BCAS3: variants seen among roughly 807,000 people sequenced by gnomAD.
The protein encoded by BCAS3 is BCAS3 microtubule associated cell migration factor, also known as BCAS4/BCAS3 fusion.
A neutral mutation model predicts 116.1 loss-of-function variants in BCAS3; 53 were observed. The ratio of observed to expected loss-of-function variants is 0.46; its 90% confidence interval spans 0.37 to 0.57. The LOEUF is 0.57. Among genes scored for constraint, BCAS3 ranks in the 20% least tolerant of loss-of-function variants. BCAS3 has a pLI of 0.00. For missense variants in BCAS3, 917 were observed against 1,165.4 expected, an observed-to-expected ratio of 0.79 and a Z score of 3.10; for synonymous variants, 391 against 408.2, an observed-to-expected ratio of 0.96 and a Z score of 0.51.
At chr17:61,216,960 G>A (rs1443231555) in intron 22 of BCAS3, among the ~76,000 whole-genome samples, 1 of 152,010 alleles carries the variant, frequency 6.6e-6, no homozygotes, top group African/African-American at 2.4e-5. Flanking sequence ...CTGCAAAGTT[G>A]TTTGCCTACC....
intron 5 of BCAS3, among the ~76,000 whole-genome samples, chr17:60,720,998 T>C (rs887550234): frequency 3.3e-5 from 5 of 152,202 alleles, no homozygotes; most frequent in Non-Finnish European, 1.5e-5. Flanking sequence ...AAGGAAATTT[T>C]TGCCCTAAAG....
rs566686537 is a variant in BCAS3, at chr17:60,828,342, T to G, written c.476+20266T>G. 9.8e-5 allele frequency among the ~76,000 whole-genome samples: 15 copies of G among 152,336 alleles called. No individual in the cohort carries two copies. The South Asian group carries it at 2.9e-3, about 29-fold the overall frequency. ...AAAGTTGAAGTAGATAATTAGGCAA[T>G]TCATTATGGAGAACCATGACAGTTT... On this transcript the variant is annotated intron_variant, in intron 7 of 23. Transcript: ENST00000407086.
chr17:61,346,645 G>C lies in BCAS3; in HGVS notation c.2426-21682G>C, dbSNP rs2057519884. ...AGGGCTATGTAACTATTAAATGACAGAACAAGGGCCTTGAAGCCTGAGCCT... is the reference window on the plus strand; with the variant it reads ...AGGGCTATGTAACTATTAAATGACACAACAAGGGCCTTGAAGCCTGAGCCT... On this transcript the variant is annotated intron_variant, in intron 22 of 23. Transcript: ENST00000407086. The surrounding 1 kb of genome is among the most constrained non-coding windows in gnomAD (Gnocchi z 5.4). Among the ~76,000 whole-genome samples, 1 of 152,230 alleles carries C rather than the reference G, an allele frequency of 6.6e-6. No homozygotes were observed. The highest frequency in any genetic ancestry group is 1.5e-5 in the Non-Finnish European group (1 of 68,038).
intron 7 of BCAS3, among the ~76,000 whole-genome samples, chr17:60,841,665 C>T (rs1047235438): frequency 6.6e-6 from 1 of 151,678 alleles, no homozygotes. Context: ...CAGGCATGAG[C>T]CATTGCGCAT....
intron 15 of BCAS3, among the ~76,000 whole-genome samples, chr17:60,991,162 G>A (rs1012108045): frequency 6.6e-6 from 1 of 152,070 alleles, no homozygotes; most frequent in Admixed American, 6.5e-5. Flanking sequence ...CTAAGCAAGT[G>A]TCCTTAAACA....
At chr17:61,237,230 C>T (rs757755224) in intron 22 of BCAS3, among the ~76,000 whole-genome samples, 1 of 152,112 alleles carries the variant, frequency 6.6e-6, no homozygotes, top group Non-Finnish European at 1.5e-5. Flanking sequence ...TACCAATCAG[C>T]ACTCTGTAGC....
At chr17:60,983,137 G>C (rs911166836) in intron 14 of BCAS3, among the ~76,000 whole-genome samples, 2 of 152,164 alleles carry the variant, frequency 1.3e-5, no homozygotes, top group Non-Finnish European at 2.9e-5. Context: ...TGCCTAATCT[G>C]TACATGGTAA....
chr17:60,764,745 T>C (rs2043912123), intron 6 of BCAS3, among the ~76,000 whole-genome samples: 1 of 152,202 alleles, frequency 6.6e-6, no homozygotes, highest in Non-Finnish European at 1.5e-5. Context: ...AAGTCCTGCA[T>C]ATCCTTATTA....
chr17:61,171,088 A>G lies in BCAS3; in HGVS notation c.2425+86524A>G, dbSNP rs1416518632. ...GGCAAAATTTCCTCTAAATTCCTGT[A>G]GCCTTCCTTGCTTAAAAAAAAGCAA... On this transcript the variant is annotated intron_variant, in intron 22 of 23. Transcript: ENST00000407086. This position sits in a 1 kb window ranked among gnomAD's most constrained non-coding sequence, Gnocchi z 4.1. 6.6e-6 allele frequency among the ~76,000 whole-genome samples: 1 copy of G among 152,168 alleles called. No individual in the cohort carries two copies.
chr17:60,851,580 G>A (rs2053170984), intron 7 of BCAS3: 1 of 628,410 alleles, frequency 1.6e-6, no homozygotes, highest in African/African-American at 1.8e-5. Flanking sequence ...CAAAACTTGG[G>A]TTAAAGCTTG....
chr17:60,774,036 A>C (rs989605849), intron 6 of BCAS3, among the ~76,000 whole-genome samples: 1 of 151,944 alleles, frequency 6.6e-6, no homozygotes, highest in Non-Finnish European at 1.5e-5. Context: ...TTGTCTTCTT[A>C]TTTTCTTTAC....
Position 61,339,320 on chromosome 17 carries a change from G to A in BCAS3, c.2426-29007G>A, listed in dbSNP as rs919575355. On this transcript the variant is annotated intron_variant, in intron 22 of 23. Coordinates refer to ENST00000407086, the MANE Select transcript of BCAS3 (RefSeq NM_017679.5). This position sits in a 1 kb window ranked among gnomAD's most constrained non-coding sequence, Gnocchi z 4.4. ...TGAAGAAAGGGTTTTGGTTTGGTGA[G>A]TGCACTGGCTCCCTTGGATCCAGGG... Among the ~76,000 whole-genome samples the A allele has an allele frequency of 6.6e-6, 1 of 152,204 alleles. No homozygotes were observed. Among genetic ancestry groups the A allele is most frequent in the Non-Finnish European group, 1.5e-5 (1 of 68,044 alleles).
intron 5 of BCAS3, among the ~76,000 whole-genome samples, chr17:60,734,382 A>G (rs1043940126): frequency 6.6e-6 from 1 of 152,148 alleles, no homozygotes; most frequent in Non-Finnish European, 1.5e-5. Context: ...CTCCCACTTC[A>G]GCCTCCCAAA....
At chr17:61,317,537 T>C (rs2054848162) in intron 22 of BCAS3, among the ~76,000 whole-genome samples, 1 of 152,106 alleles carries the variant, frequency 6.6e-6, no homozygotes, top group African/African-American at 2.4e-5. Flanking sequence ...CATGGAGGGC[T>C]TCATTGACGG....
intron 6 of BCAS3, among the ~76,000 whole-genome samples, chr17:60,778,371 G>T (rs1371001551): frequency 6.6e-6 from 1 of 151,934 alleles, no homozygotes; most frequent in Non-Finnish European, 1.5e-5. Flanking sequence ...ATTAAAATAG[G>T]TTCTATTATA....
At chr17:61,033,347 C>T (rs2066785084) in intron 16 of BCAS3, among the ~76,000 whole-genome samples, 1 of 152,130 alleles carries the variant, frequency 6.6e-6, no homozygotes, top group South Asian at 2.1e-4. Context: ...AAGAAGTCCT[C>T]AGGTGGTACT....
chr17:61,271,737 G>A (rs967758741), intron 22 of BCAS3, among the ~76,000 whole-genome samples: 11 of 152,062 alleles, frequency 7.2e-5, no homozygotes, highest in Admixed American at 3.9e-4. Flanking sequence ...GATTACAGGT[G>A]TGAGCCATCA....
In BCAS3 at chr17:61,228,629, G is replaced by A. The variant is rs776462665; in HGVS notation, c.2426-139698G>A. Reference sequence around the variant, plus strand: ...TTATCTGTGGTCAGTGATCTTTGACGTTACTATTGTAATCGTTTGGGGGCA... The same window carrying A: ...TTATCTGTGGTCAGTGATCTTTGACATTACTATTGTAATCGTTTGGGGGCA... On this transcript the variant is annotated intron_variant, in intron 22 of 23. Transcript: ENST00000407086. The surrounding 1 kb of genome is among the most constrained non-coding windows in gnomAD (Gnocchi z 5.0). 7.9e-5 allele frequency among the ~76,000 whole-genome samples: 12 copies of A among 152,208 alleles called. No individual in the cohort carries two copies. In the South Asian group the frequency reaches 1.0e-3, roughly 13 times the overall value.
At position 61,038,646 on chromosome 17, in the gene BCAS3, T is replaced by TTTTG. The variant is rs201952629; in HGVS notation, c.1928+595_1928+596insGTTT. Among the ~76,000 whole-genome samples the TTTTG allele has an allele frequency of 5.8e-4, 87 of 148,788 alleles. 1 individual carries two copies. The highest frequency in any genetic ancestry group is 2.1e-3 in the African/African-American group (82 of 38,684). On this transcript the variant is annotated intron_variant, in intron 18 of 23. Coordinates refer to ENST00000407086, the MANE Select transcript of BCAS3 (RefSeq NM_017679.5). ...AAAACAAACAATACTTCATTCCTTT[T>TTTTG]TTTTGTTTTGTTTTTGTTTTTGTTT...
Sources: allele counts gnomAD v4.1 joint callset (sites outside exome capture counted in the v4.1 genomes callset), GRCh38; gene constraint gnomAD v4.1.1; non-coding constraint Gnocchi (gnomAD v3.1); transcripts MANE v1.5; gene names NCBI Gene and HGNC (gene_info 2026-07-23, HGNC 2026-07-21).